Variants in CPVL observed in about 807,000 individuals in gnomAD.
CPVL encodes the protein probable serine carboxypeptidase CPVL.
Under a neutral mutation model 63.7 loss-of-function variants are expected in CPVL, and 51 were observed. The ratio of observed to expected loss-of-function variants is 0.80; its 90% CI spans 0.64 to 1.01. The LOEUF (loss-of-function observed/expected upper bound fraction) is 1.01. CPVL is among the 50% of genes least tolerant of loss of function. The pLI is 0.00. For synonymous variants in CPVL, 195 were observed against 206.0 expected (o/e 0.95, Z 0.46); for missense variants, 530 against 573.1 (o/e 0.92, Z 0.77).
chr7:29,070,551 T>G (rs1239329352), intron 9 of CPVL, among the ~76,000 whole-genome samples: 1 of 152,234 alleles, frequency 6.6e-6, no homozygotes, highest in Non-Finnish European at 1.5e-5. Flanking sequence ...AGTGGAAGCA[T>G]GATCCTACAT....
At chr7:29,165,456 T>A (rs1490018383) in intron 5 of CPVL, among the ~76,000 whole-genome samples, 1 of 152,224 alleles carries the variant, frequency 6.6e-6, no homozygotes, top group Admixed American at 6.5e-5. Context: ...TTAAATCACC[T>A]ATACTGGTTC....
intron 5 of CPVL, among the ~76,000 whole-genome samples, chr7:29,171,850 C>A (rs1194022340): frequency 6.6e-6 from 1 of 152,162 alleles, no homozygotes; most frequent in Non-Finnish European, 1.5e-5. Context: ...AGCTTTCAAG[C>A]ATGCCGTCAC....
At chr7:29,162,425 G>A (rs1173196438) in intron 5 of CPVL, among the ~76,000 whole-genome samples, 1 of 152,162 alleles carries the variant, frequency 6.6e-6, no homozygotes, top group Non-Finnish European at 1.5e-5. Context: ...ACTTTGGGAG[G>A]CCAAAGCGGG....
chr7:29,001,832 C>T (rs1784674723), intron 12 of CPVL, among the ~76,000 whole-genome samples: 1 of 152,228 alleles, frequency 6.6e-6, no homozygotes, highest in African/African-American at 2.4e-5. Context: ...TTCCTATGTA[C>T]ACCATCTTAA....
intron 7 of CPVL, among the ~76,000 whole-genome samples, chr7:29,075,575 G>A (rs1465221553): frequency 1.4e-5 from 2 of 147,032 alleles, no homozygotes; most frequent in South Asian, 2.2e-4. Flanking sequence ...AATATACCAC[G>A]GGTCTGAGGT....
chr7:29,013,979 T>C (rs1305906996), intron 12 of CPVL, among the ~76,000 whole-genome samples: 2 of 152,222 alleles, frequency 1.3e-5, no homozygotes, highest in African/African-American at 2.4e-5. Flanking sequence ...ATCACAGTTT[T>C]ATTTCTCCCT....
intron 5 of CPVL, among the ~76,000 whole-genome samples, chr7:29,180,193 T>G (rs191150607): frequency 6.6e-6 from 1 of 152,310 alleles, no homozygotes; most frequent in Admixed American, 6.5e-5. Context: ...ATATTGTGAA[T>G]CAAATTTAGA....
intron 7 of CPVL, among the ~76,000 whole-genome samples, chr7:29,082,740 C>T (rs1012178956): frequency 6.6e-6 from 1 of 152,298 alleles, no homozygotes; most frequent in Non-Finnish European, 1.5e-5. Context: ...TCCTTTTCTA[C>T]ACACATTAGG....
At chr7:29,146,646 C>T (rs1173270890), upstream of CPVL, 26 of 1,550,474 alleles carry the variant, frequency 1.7e-5, no homozygotes, top group Non-Finnish European at 2.2e-5. Flanking sequence ...TCCCAGAAAC[C>T]TGGCCGCATC....
chr7:29,089,884 T>A (rs1048545630), intron 6 of CPVL, among the ~76,000 whole-genome samples: 1 of 150,682 alleles, frequency 6.6e-6, no homozygotes, highest in Non-Finnish European at 1.5e-5. Flanking sequence ...TTAATTGAGA[T>A]GGAGTTTCGC....
upstream of CPVL, chr7:29,146,826 T>C (rs1300986216): frequency 1.3e-6 from 2 of 1,550,596 alleles, no homozygotes; most frequent in South Asian, 2.4e-5. Context: ...ACCCTGTATT[T>C]TGAAATTATT....
intron 1 of CPVL, among the ~76,000 whole-genome samples, chr7:29,137,364 G>C (rs1284597203): frequency 6.6e-6 from 1 of 152,162 alleles, no homozygotes. Flanking sequence ...GACAAAGATT[G>C]GCCCACAGAT....
intron 10 of CPVL, 110 bp from the exon 11 acceptor site, chr7:29,064,344 G>T: frequency 1.6e-6 from 1 of 608,286 alleles, no homozygotes; most frequent in Non-Finnish European, 2.8e-6. Flanking sequence ...AAACGTGACG[G>T]GACTATTAAC....
At chr7:29,193,230 A>G (rs1332110430) in intron 1 of CPVL, 1 of 152,134 alleles carries the variant, frequency 6.6e-6, no homozygotes, top group African/African-American at 2.4e-5. Context: ...CTTAATGAGA[A>G]GACACACTGG....
intron 6 of CPVL, among the ~76,000 whole-genome samples, chr7:29,089,875 T>TTTC (rs1785595406): frequency 6.8e-6 from 1 of 148,134 alleles, no homozygotes; most frequent in Admixed American, 6.6e-5. Context: ...TTTTTTTTTT[T>TTTC]AATTGAGATG....
At chr7:29,092,532 C>T in intron 6 of CPVL, 91 bp downstream of exon 6, 1 of 836,254 alleles carries the variant, frequency 1.2e-6, no homozygotes, top group South Asian at 1.5e-5. Context: ...AAGGCTCAGT[C>T]AATAAAAATT....
At chr7:29,085,717 T>C (rs323194) in intron 7 of CPVL, among the ~76,000 whole-genome samples, 8,836 of 152,250 alleles carry the variant, frequency 0.058, 277 homozygotes, top group African/African-American at 0.077. Flanking sequence ...CAGTTTAGCA[T>C]CACCAACAGT....
chr7:29,023,710 G>A (rs1584018500), intron 12 of CPVL, among the ~76,000 whole-genome samples: 1 of 152,156 alleles, frequency 6.6e-6, no homozygotes, highest in African/African-American at 2.4e-5. Context: ...CTAACCCACT[G>A]AGGAACTCGA....
intron 2 of CPVL, among the ~76,000 whole-genome samples, chr7:29,114,282 A>G (rs1335048747): frequency 1.3e-5 from 2 of 152,156 alleles, no homozygotes; most frequent in African/African-American, 4.8e-5. Context: ...TGATGTGGGA[A>G]GTATAGTTCT....
Sources: allele counts gnomAD v4.1 joint callset (sites outside exome capture counted in the v4.1 genomes callset), GRCh38; gene constraint gnomAD v4.1.1; transcripts MANE v1.5; gene names NCBI Gene and HGNC (gene_info 2026-07-23, HGNC 2026-07-21).